Variants in SCMH1 observed in about 807,000 individuals in gnomAD.
SCMH1 encodes the protein polycomb protein SCMH1.
A neutral mutation model predicts 70.8 loss-of-function variants in SCMH1; 37 were observed. That is an observed-to-expected ratio of 0.52 (90% CI 0.40 to 0.69). The LOEUF is 0.69. Among genes scored for constraint, SCMH1 ranks in the 30% least tolerant of loss-of-function variants. The pLI is 0.00. For missense variants in SCMH1, 607 were observed against 827.3 expected (o/e 0.73, Z 3.27); for synonymous variants, 292 against 307.4 (o/e 0.95, Z 0.52).
chr1:41,051,757 TAA>T lies in SCMH1; in HGVS notation c.1106-2869_1106-2868del, dbSNP rs577462370. Among the ~76,000 whole-genome samples the T allele has an allele frequency of 3.9e-5, 6 of 152,302 alleles. No homozygotes were observed. In the East Asian group the frequency reaches 1.2e-3, roughly 29 times the overall value. Reference sequence around the variant, plus strand: ...GTTTGTATTTTAAGCCAAGTGTTATTAAAAGAGTCAAAAAGTTAAAAAGTTTA... The same window carrying T: ...GTTTGTATTTTAAGCCAAGTGTTATTAAGAGTCAAAAAGTTAAAAAGTTTA... On this transcript the variant is annotated intron_variant, in intron 10 of 14. Transcript: ENST00000337495.
intron 1 of SCMH1, among the ~76,000 whole-genome samples, chr1:41,230,620 T>C (rs2148899000): frequency 6.6e-6 from 1 of 150,922 alleles, no homozygotes; most frequent in South Asian, 2.1e-4. Flanking sequence ...ATCGCATCAC[T>C]GCACTCCAGC....
At chr1:41,048,253 C>G (rs188392229) in intron 11 of SCMH1, among the ~76,000 whole-genome samples, 2 of 152,160 alleles carry the variant, frequency 1.3e-5, no homozygotes, top group East Asian at 1.9e-4. Flanking sequence ...TCCCAACCAC[C>G]CTGGGATTTA....
intron 5 of SCMH1, among the ~76,000 whole-genome samples, chr1:41,150,328 C>A (rs1644955444): frequency 6.6e-6 from 1 of 152,072 alleles, no homozygotes; most frequent in African/African-American, 2.4e-5. Context: ...CATAATGAGA[C>A]CCTGTCTCTA....
chr1:41,201,806 T>A (rs2148727324), intron 1 of SCMH1, among the ~76,000 whole-genome samples: 1 of 152,264 alleles, frequency 6.6e-6, no homozygotes, highest in Admixed American at 6.5e-5. Context: ...TTAAAAAAAA[T>A]TAATTTAAGG....
rs138884663 is a variant in SCMH1 at position 41,216,793 on chromosome 1, T to G, written c.-118+25266A>C. On this transcript the variant is annotated intron_variant, in intron 1 of 14. Transcript: ENST00000337495. Reference sequence around the variant, plus strand: ...ATGACTATAGTACCTCCAGGAAACATCTCTATTTCAGTTTCCCAGGGCTGC... The same window carrying G: ...ATGACTATAGTACCTCCAGGAAACAGCTCTATTTCAGTTTCCCAGGGCTGC... Among the ~76,000 whole-genome samples, 137 of 152,336 alleles carry G rather than the reference T, an allele frequency of 9.0e-4. 1 individual carries two copies. Among genetic ancestry groups the G allele is most frequent in the African/African-American group, 3.2e-3 (131 of 41,582 alleles).
At chr1:41,106,616 T>G (rs1168246762) in intron 8 of SCMH1, among the ~76,000 whole-genome samples, 1 of 151,902 alleles carries the variant, frequency 6.6e-6, no homozygotes, top group Non-Finnish European at 1.5e-5. Context: ...AGGGAAGCAT[T>G]CTGCGCCTTC....
intron 13 of SCMH1, among the ~76,000 whole-genome samples, chr1:41,030,334 C>T (rs1244563534): frequency 6.6e-6 from 1 of 152,224 alleles, no homozygotes; most frequent in African/African-American, 2.4e-5. Context: ...CCTGTGCTTG[C>T]CAGCATCTAT....
At chr1:41,125,636 G>C (rs1356080614) in intron 6 of SCMH1, among the ~76,000 whole-genome samples, 1 of 151,540 alleles carries the variant, frequency 6.6e-6, no homozygotes, top group Non-Finnish European at 1.5e-5. Flanking sequence ...GCAATAGCAT[G>C]ATCATGGCTC....
At chr1:41,157,680 T>C (rs543662848) in intron 4 of SCMH1, among the ~76,000 whole-genome samples, 18 of 152,302 alleles carry the variant, frequency 1.2e-4, no homozygotes, top group African/African-American at 4.1e-4. Context: ...GACCTTAGTG[T>C]TTCCTAAAAC....
At chr1:41,084,949 G>T (rs1390651109) in intron 8 of SCMH1, among the ~76,000 whole-genome samples, 1 of 147,090 alleles carries the variant, frequency 6.8e-6, no homozygotes, top group African/African-American at 2.5e-5. Context: ...GACACAGGAA[G>T]GGGAATATCA....
intron 8 of SCMH1, among the ~76,000 whole-genome samples, chr1:41,077,744 T>C (rs954747008): frequency 3.3e-4 from 50 of 152,254 alleles, no homozygotes; most frequent in African/African-American, 1.1e-3. Context: ...CAGAATTAGA[T>C]TGAGGTGATC....
intron 8 of SCMH1, among the ~76,000 whole-genome samples, chr1:41,089,787 C>CTTTTTTTTGTTTTTTTTTTTTTTTT (rs1662813911): frequency 1.7e-5 from 1 of 58,756 alleles, no homozygotes; most frequent in Non-Finnish European, 2.9e-5. Flanking sequence ...CATGTTGTCT[C>CTTTTTTTTGTTTTTTTTTTTTTTTT]TTTTTTTTTT....
At chr1:41,203,560 G>A (rs1259336383) in intron 1 of SCMH1, among the ~76,000 whole-genome samples, 3 of 152,132 alleles carry the variant, frequency 2.0e-5, no homozygotes, top group Middle Eastern at 3.2e-3. Context: ...TCCCAAAACT[G>A]GCCATAAACA....
chr1:41,159,458 C>T (rs770445575), intron 4 of SCMH1, among the ~76,000 whole-genome samples: 2 of 152,158 alleles, frequency 1.3e-5, no homozygotes, highest in African/African-American at 2.4e-5. Context: ...TGCCAGACTA[C>T]GTCCATTATC....
At chr1:41,234,663 A>C (rs184809106) in intron 1 of SCMH1, among the ~76,000 whole-genome samples, 1 of 151,418 alleles carries the variant, frequency 6.6e-6, no homozygotes, top group African/African-American at 2.4e-5. Context: ...TTTAGTAGAG[A>C]CGGGGTTTCA....
intron 1 of SCMH1, among the ~76,000 whole-genome samples, chr1:41,241,005 C>T (rs2148964004): frequency 6.6e-6 from 1 of 152,322 alleles, no homozygotes; most frequent in East Asian, 1.9e-4. Context: ...GACATGATTA[C>T]TATCTTCAGA....
intron 8 of SCMH1, among the ~76,000 whole-genome samples, chr1:41,085,119 A>G (rs1661237500): frequency 6.6e-6 from 1 of 151,656 alleles, no homozygotes; most frequent in South Asian, 2.1e-4. Context: ...TAAAACTTAA[A>G]GTATAATAAT....
rs1187116716 is a variant in SCMH1, at chr1:41,127,205, TA to T, written c.413-10196del. ...ATCATTTTTCTATAGGTTTTAGTCT[TA>T]AAAAATTTTTCTATTTTTCTATTTA... is the stretch of plus-strand genomic sequence containing the variant. On this transcript the variant is annotated intron_variant, in intron 6 of 14. Coordinates refer to ENST00000337495, the Ensembl canonical transcript of SCMH1. Among the ~76,000 whole-genome samples, 5 of 152,204 alleles carry T rather than the reference TA, an allele frequency of 3.3e-5. No homozygotes were observed. In the East Asian group the frequency reaches 7.7e-4, roughly 23 times the overall value.
At chr1:41,150,305 C>T (rs1371767367) in intron 5 of SCMH1, among the ~76,000 whole-genome samples, 1 of 151,996 alleles carries the variant, frequency 6.6e-6, no homozygotes, top group African/African-American at 2.4e-5. Flanking sequence ...GAGCTGGAGA[C>T]CAGCCTGGCC....
Sources: gnomAD v4.1 joint callset for allele counts (sites outside exome capture counted in the v4.1 genomes callset) on GRCh38, gnomAD v4.1.1 for gene constraint, MANE v1.5 for transcripts, NCBI Gene and HGNC (gene_info 2026-07-23, HGNC 2026-07-21) for gene names.